The following PLXDC2 variants were observed in gnomAD, a reference collection of about 807,000 sequenced individuals.
PLXDC2 encodes the protein plexin domain-containing protein 2.
In PLXDC2, 40 loss-of-function variants were observed where a neutral mutation model predicts 68.9. The ratio of observed to expected loss-of-function variants is 0.58; its 90% confidence interval spans 0.45 to 0.76. The LOEUF (loss-of-function observed/expected upper bound fraction) is 0.76. Among genes scored for constraint, PLXDC2 ranks in the 30% least tolerant of loss-of-function variants. The pLI is 0.00. For missense variants in PLXDC2, 644 were observed against 661.9 expected (o/e 0.97, Z 0.30); for synonymous variants, 243 against 234.2 (o/e 1.04, Z -0.34).
intron 4 of PLXDC2, among the ~76,000 whole-genome samples, chr10:20,083,132 A>C (rs868634468): frequency 9.2e-5 from 14 of 152,272 alleles, no homozygotes; most frequent in Middle Eastern, 3.4e-3. Context: ...GCTGGAGATC[A>C]GGAGTAGGAA....
intron 1 of PLXDC2, among the ~76,000 whole-genome samples, chr10:19,939,629 AT>A (rs1281004468): frequency 1.3e-5 from 2 of 152,234 alleles, no homozygotes; most frequent in African/African-American, 4.8e-5. Context: ...AGGGCTGAAA[AT>A]TTTTCCCTCT....
chr10:20,158,071 A>C (rs1834240147), intron 6 of PLXDC2, among the ~76,000 whole-genome samples: 1 of 152,196 alleles, frequency 6.6e-6, no homozygotes, highest in Admixed American at 6.5e-5. Context: ...TGTTTAAAAA[A>C]AAAAACTTCT....
chr10:20,174,820 G>A (rs984400256), intron 7 of PLXDC2, among the ~76,000 whole-genome samples: 3 of 151,440 alleles, frequency 2.0e-5, no homozygotes, highest in Non-Finnish European at 2.9e-5. Flanking sequence ...GTAGAGGGAA[G>A]GAGAGATACT....
intron 4 of PLXDC2, among the ~76,000 whole-genome samples, chr10:20,072,180 C>T (rs928135716): frequency 6.6e-6 from 1 of 151,118 alleles, no homozygotes; most frequent in African/African-American, 2.4e-5. Flanking sequence ...GACTAGACTG[C>T]CCAACGTGGA....
Position 20,126,311 on chromosome 10 carries a change from G to A in PLXDC2, c.542-16984G>A, listed in dbSNP as rs531272772. ...TTATATAATACATATATACACATAC[G>A]TTATATAATATATACATATACGTTA... is the stretch of plus-strand genomic sequence containing the variant. On this transcript the variant is annotated intron_variant, in intron 4 of 13. Coordinates refer to ENST00000377252, the MANE Select transcript of PLXDC2 (RefSeq NM_032812.9). 7.8e-4 allele frequency among the ~76,000 whole-genome samples: 92 copies of A among 117,444 alleles called. 3 individuals are homozygous for A. Among genetic ancestry groups the A allele is most frequent in the East Asian group, 2.2e-3 (7 of 3,166 alleles). 77.0% of individuals were successfully genotyped at this position (117,444 alleles called of 152,430 possible). A position where few individuals can be genotyped will look rare whatever the true frequency, so the allele number is the denominator to read the frequency against.
chr10:19,863,551 T>C (rs181523059), intron 1 of PLXDC2, among the ~76,000 whole-genome samples: 1 of 152,338 alleles, frequency 6.6e-6, no homozygotes, highest in Admixed American at 6.5e-5. Flanking sequence ...CACGCAGCAC[T>C]TCCTCATGTG....
chr10:20,039,191 G>GTAAA (rs1835633421), intron 2 of PLXDC2, among the ~76,000 whole-genome samples: 1 of 152,122 alleles, frequency 6.6e-6, no homozygotes, highest in Non-Finnish European at 1.5e-5. Context: ...TGAGAATGTA[G>GTAAA]CTGTGTGTCC....
chr10:19,988,434 T>C (rs1335051043), intron 1 of PLXDC2, among the ~76,000 whole-genome samples: 2 of 152,196 alleles, frequency 1.3e-5, no homozygotes, highest in Non-Finnish European at 2.9e-5. Context: ...TTAATATCAC[T>C]ATCTATAATT....
intron 12 of PLXDC2, among the ~76,000 whole-genome samples, chr10:20,220,380 G>T (rs938809541): frequency 6.6e-6 from 1 of 152,090 alleles, no homozygotes; most frequent in Non-Finnish European, 1.5e-5. Context: ...ATGGAATGGG[G>T]GAAGAGTCCC....
At position 20,287,445 on chromosome 10, in the gene PLXDC2, G is replaced by A. The variant is rs11011931; in HGVS notation, c.*7626G>A. On this transcript the variant is annotated 3_prime_UTR_variant, in exon 14 of 14. Transcript: ENST00000377252. ...ATTTCTCTGAGATTTGACCATCTCA[G>A]GACTCAGACAGACTCCAGTGCTATT... The A allele has an allele frequency of 6.6e-6, 1 of 152,168 alleles. No individual in the cohort carries two copies. The highest frequency in any genetic ancestry group is 1.5e-5 in the Non-Finnish European group (1 of 68,038). 9.4% of individuals were successfully genotyped at this position (152,168 alleles called of 1,614,324 possible).
chr10:19,971,513 G>C (rs1202223457), intron 1 of PLXDC2, among the ~76,000 whole-genome samples: 2 of 152,160 alleles, frequency 1.3e-5, no homozygotes, highest in Non-Finnish European at 2.9e-5. Flanking sequence ...GATGTACATT[G>C]TGTACCCTGG....
chr10:19,935,032 C>T (rs1833699648), intron 1 of PLXDC2, among the ~76,000 whole-genome samples: 1 of 152,200 alleles, frequency 6.6e-6, no homozygotes, highest in African/African-American at 2.4e-5. Context: ...AGGACATATG[C>T]TCCCCTTGAA....
intron 7 of PLXDC2, among the ~76,000 whole-genome samples, chr10:20,175,401 A>G (rs557263600): frequency 7.9e-5 from 12 of 152,306 alleles, no homozygotes; most frequent in Admixed American, 3.3e-4. Flanking sequence ...ATTAACCACT[A>G]TGACGCTCAG....
intron 4 of PLXDC2, among the ~76,000 whole-genome samples, chr10:20,099,187 T>C (rs984660632): frequency 6.6e-6 from 1 of 152,168 alleles, no homozygotes; most frequent in Non-Finnish European, 1.5e-5. Flanking sequence ...ACAAGCACAT[T>C]CTGAAATATT....
At chr10:20,269,357 A>G (rs942880130) in intron 13 of PLXDC2, among the ~76,000 whole-genome samples, 1 of 152,164 alleles carries the variant, frequency 6.6e-6, no homozygotes. Flanking sequence ...TGAAAGGAAC[A>G]TCAAAGATAT....
intron 2 of PLXDC2, among the ~76,000 whole-genome samples, chr10:20,044,482 G>C (rs1219566626): frequency 6.6e-6 from 1 of 151,550 alleles, no homozygotes; most frequent in Non-Finnish European, 1.5e-5. Context: ...GCTATTTTTT[G>C]TATTTATAGC....
At chr10:20,256,088 G>A (rs2119356832) in intron 13 of PLXDC2, among the ~76,000 whole-genome samples, 1 of 151,854 alleles carries the variant, frequency 6.6e-6, no homozygotes, top group Admixed American at 6.6e-5. Flanking sequence ...TTAAATAGAT[G>A]AAAAGCCATT....
intron 1 of PLXDC2, among the ~76,000 whole-genome samples, chr10:19,882,673 C>G (rs1479837908): frequency 1.3e-5 from 2 of 151,962 alleles, no homozygotes; most frequent in Non-Finnish European, 2.9e-5. Context: ...AACTTGGATT[C>G]AAAGAAACAA....
chr10:20,226,314 C>G (rs960171807), intron 12 of PLXDC2, among the ~76,000 whole-genome samples: 1 of 152,312 alleles, frequency 6.6e-6, no homozygotes, highest in African/African-American at 2.4e-5. Flanking sequence ...CAACCCTCAG[C>G]AGCTATTGTT....
Sources: gnomAD v4.1 joint callset for allele counts (sites outside exome capture counted in the v4.1 genomes callset) on GRCh38, gnomAD v4.1.1 for gene constraint, MANE v1.5 for transcripts, NCBI Gene and HGNC (gene_info 2026-07-23, HGNC 2026-07-21) for gene names.